Variants in SLC22A25 observed in about 807,000 individuals in gnomAD.
SLC22A25 encodes solute carrier family 22 member 25.
In SLC22A25, 44 loss-of-function variants were observed where a neutral mutation model predicts 45.9. That is an observed-to-expected ratio of 0.96 (90% CI 0.75 to 1.23). The LOEUF (loss-of-function observed/expected upper bound fraction) is 1.23, where lower values mean the gene tolerates loss of function less well. Ranked by LOEUF, SLC22A25 falls within the 50% of genes most tolerant of loss-of-function variation. SLC22A25 has a pLI of 0.00. For synonymous variants in SLC22A25, 283 were observed against 238.6 expected (o/e 1.19, Z -1.72); for missense variants, 800 against 666.4 (o/e 1.20, Z -2.21).
intron 9 of SLC22A25, among the ~76,000 whole-genome samples, chr11:63,177,785 A>G (rs998738921): frequency 2.1e-5 from 3 of 144,406 alleles, no homozygotes; most frequent in African/African-American, 7.6e-5. Context: ...TTCTCTCTAC[A>G]TATCCGATTA....
At chr11:63,166,317 T>A in intron 9 of SLC22A25, 59 bp from the exon 10 acceptor site, 1 of 1,583,856 alleles carries the variant, frequency 6.3e-7, no homozygotes, top group Non-Finnish European at 8.6e-7. Flanking sequence ...ATCCTACAAA[T>A]GAGAATAATA....
chr11:63,210,513 G>C (rs1482030370), intron 7 of SLC22A25, among the ~76,000 whole-genome samples: 1 of 152,178 alleles, frequency 6.6e-6, no homozygotes, highest in African/African-American at 2.4e-5. Flanking sequence ...GAAAAGGATG[G>C]AGATGATGGT....
intron 7 of SLC22A25, among the ~76,000 whole-genome samples, chr11:63,197,414 A>AC (rs1418424896): frequency 4.6e-5 from 7 of 152,194 alleles, no homozygotes; most frequent in African/African-American, 1.7e-4. Flanking sequence ...AGAGATATAG[A>AC]CCAGTGGAAC....
chr11:63,239,226 C>T (rs1399605059), intron 1 of SLC22A25, 91 bp from the exon 2 acceptor site: 1 of 152,190 alleles, frequency 6.6e-6, no homozygotes, highest in Non-Finnish European at 1.5e-5. Flanking sequence ...TGTTGATCCA[C>T]TTTCTTTTAA....
At chr11:63,196,400 A>C (rs2089032326) in intron 7 of SLC22A25, among the ~76,000 whole-genome samples, 1 of 152,202 alleles carries the variant, frequency 6.6e-6, no homozygotes, top group South Asian at 2.1e-4. Context: ...CAAAAACCTT[A>C]TCTGCCACGA....
chr11:63,177,617 A>C (rs11231394), intron 9 of SLC22A25, among the ~76,000 whole-genome samples: 70,180 of 151,126 alleles, frequency 0.46, 17,927 homozygotes, highest in Non-Finnish European at 0.57. Flanking sequence ...CCAGGAGATA[A>C]ATTTTTTAGC....
At chr11:63,206,220 C>T (rs1204520215) in intron 7 of SLC22A25, among the ~76,000 whole-genome samples, 2 of 152,092 alleles carry the variant, frequency 1.3e-5, no homozygotes, top group Non-Finnish European at 2.9e-5. Context: ...CTTTGAAAAC[C>T]AGCACAAGAT....
intron 5 of SLC22A25, among the ~76,000 whole-genome samples, chr11:63,225,197 A>T (rs1162954927): frequency 2.6e-5 from 4 of 152,166 alleles, no homozygotes; most frequent in African/African-American, 9.7e-5. Context: ...ATATCCTGTG[A>T]TTTTCTGTGT....
At chr11:63,199,959 G>T (rs79496462) in intron 7 of SLC22A25, among the ~76,000 whole-genome samples, 2 of 151,868 alleles carry the variant, frequency 1.3e-5, no homozygotes, top group African/African-American at 4.8e-5. Context: ...CACTTCCGCT[G>T]TTCTCTGTGT....
intron 9 of SLC22A25, among the ~76,000 whole-genome samples, chr11:63,176,708 C>T (rs552679543): frequency 6.6e-6 from 1 of 151,942 alleles, no homozygotes; most frequent in African/African-American, 2.4e-5. Context: ...GTTTTTCTTC[C>T]CTAACTGCTC....
intron 3 of SLC22A25, among the ~76,000 whole-genome samples, chr11:63,233,243 G>A (rs1050108764): frequency 6.6e-6 from 1 of 152,062 alleles, no homozygotes; most frequent in Non-Finnish European, 1.5e-5. Context: ...GGTAGAATTC[G>A]GCTGTGAACC....
At chr11:63,238,648 C>T (rs1565131982) in intron 2 of SLC22A25, 69 bp downstream of exon 2, 2 of 155,622 alleles carry the variant, frequency 1.3e-5, no homozygotes, top group East Asian at 3.8e-4. Flanking sequence ...ATGCTGGTAG[C>T]ATGTTAATTA....
intron 9 of SLC22A25, chr11:63,166,464 A>G: frequency 2.9e-6 from 4 of 1,398,604 alleles, no homozygotes; most frequent in Non-Finnish European, 3.7e-6. Flanking sequence ...ATCTTGAGGG[A>G]CAACAGATGT....
Position 63,229,663 on chromosome 11 carries a change from C to T in SLC22A25, c.-11G>A. 1.3e-6 allele frequency: 2 copies of T among 1,595,152 alleles called. No individual in the cohort carries two copies. Among genetic ancestry groups the T allele is most frequent in the African/African-American group, 2.7e-5 (2 of 74,632 alleles). ...GTCCTGAAAGGCCATTGAGGCTGGA[C>T]AAGTGATCCCCAAGAGGAGACAAAA... On this transcript the variant is annotated 5_prime_UTR_variant, in exon 4 of 12. Transcript: ENST00000306494.
At chr11:63,211,881 A>G (rs1445538838) in intron 7 of SLC22A25, among the ~76,000 whole-genome samples, 18 of 152,250 alleles carry the variant, frequency 1.2e-4, no homozygotes, top group African/African-American at 4.1e-4. Context: ...TGAACAGGCA[A>G]CCTACAGAAT....
intron 7 of SLC22A25, among the ~76,000 whole-genome samples, chr11:63,205,236 A>T (rs1241010289): frequency 6.6e-6 from 1 of 152,200 alleles, no homozygotes; most frequent in Non-Finnish European, 1.5e-5. Flanking sequence ...CCATCCTAAC[A>T]TCACAATGAA....
At chr11:63,190,819 C>T (rs2088780036) in intron 7 of SLC22A25, among the ~76,000 whole-genome samples, 1 of 152,310 alleles carries the variant, frequency 6.6e-6, no homozygotes, top group Admixed American at 6.5e-5. Context: ...CTACTCCAGA[C>T]CCTGTTTGTC....
At chr11:63,186,383 T>A (rs1357511931) in intron 7 of SLC22A25, among the ~76,000 whole-genome samples, 2 of 151,098 alleles carry the variant, frequency 1.3e-5, no homozygotes, top group Non-Finnish European at 1.5e-5. Flanking sequence ...CCACTTTTTG[T>A]TGGGATTGTT....
At position 63,160,260 on chromosome 11, in the gene SLC22A25, G is replaced by A. The variant is rs1167970528; in HGVS notation, c.*3564C>T. On this transcript the variant is annotated 3_prime_UTR_variant, in exon 12 of 12. Transcript: ENST00000306494. ...TCCTATCACAGGCCTGGAGGCCTAG[G>A]AGGTCCAGGTGCCCCTGCTGTGTGC... Among the ~76,000 whole-genome samples the A allele has an allele frequency of 6.6e-6, 1 of 152,136 alleles. No homozygotes were observed. Among genetic ancestry groups the A allele is most frequent in the African/African-American group, 2.4e-5 (1 of 41,448 alleles).
Sources: allele counts gnomAD v4.1 joint callset (sites outside exome capture counted in the v4.1 genomes callset), GRCh38; gene constraint gnomAD v4.1.1; transcripts MANE v1.5; gene names NCBI Gene and HGNC (gene_info 2026-07-23, HGNC 2026-07-21).